Variants in AIG1 observed in about 807,000 individuals in gnomAD.
AIG1 encodes the protein androgen induced 1.
A neutral mutation model predicts 31.4 loss-of-function variants in AIG1; 23 were observed. That is an observed-to-expected ratio of 0.73 (90% confidence interval 0.53 to 1.04). The LOEUF (loss-of-function observed/expected upper bound fraction) is 1.04, where lower values mean the gene tolerates loss of function less well. Among genes scored for constraint, AIG1 ranks in the 50% least tolerant of loss-of-function variants. The pLI, the probability that AIG1 is intolerant of heterozygous loss-of-function variation, is 0.00. For synonymous variants in AIG1, 100 were observed against 110.5 expected (o/e 0.90, Z 0.60); for missense variants, 274 against 295.0 (o/e 0.93, Z 0.52).
intron 3 of AIG1, chr6:143,187,706 A>G (rs1231271623): frequency 6.5e-7 from 1 of 1,535,922 alleles, no homozygotes; most frequent in Non-Finnish European, 8.7e-7. Context: ...TCTCCACAGA[A>G]AGCTTGCTCC....
chr6:143,335,105 G>A (rs545736139), intron 5 of AIG1: 4 of 1,437,386 alleles, frequency 2.8e-6, no homozygotes, highest in Admixed American at 2.7e-5. Context: ...CACAAAGACA[G>A]ATGTTTTGTG....
intron 4 of AIG1, among the ~76,000 whole-genome samples, chr6:143,289,177 G>A (rs2128685844): frequency 6.6e-6 from 1 of 152,208 alleles, no homozygotes; most frequent in Non-Finnish European, 1.5e-5. Context: ...CTCTACAAAT[G>A]CAAAGATCCC....
downstream of AIG1, chr6:143,343,195 C>G (rs1490242556): frequency 1.4e-6 from 1 of 708,256 alleles, no homozygotes; most frequent in Admixed American, 1.8e-5. Flanking sequence ...ATTAACGCCA[C>G]GGATATGGCA....
chr6:143,257,020 A>T (rs1043266473), intron 3 of AIG1, among the ~76,000 whole-genome samples: 8 of 151,556 alleles, frequency 5.3e-5, no homozygotes, highest in African/African-American at 1.9e-4. Context: ...TCCATAAAGC[A>T]TGCAGCTAGA....
At chr6:143,244,256 C>G (rs1417294049) in intron 3 of AIG1, among the ~76,000 whole-genome samples, 1 of 152,094 alleles carries the variant, frequency 6.6e-6, no homozygotes, top group African/African-American at 2.4e-5. Context: ...TGTGGGAGTT[C>G]CCTTATCAAT....
intron 1 of AIG1, among the ~76,000 whole-genome samples, chr6:143,090,887 A>G (rs1322957774): frequency 1.3e-5 from 2 of 151,612 alleles, no homozygotes; most frequent in African/African-American, 4.9e-5. Flanking sequence ...ATTGTTCTGT[A>G]CCGTGCAATG....
At chr6:143,307,134 C>T (rs1363174796) in intron 4 of AIG1, among the ~76,000 whole-genome samples, 1 of 152,136 alleles carries the variant, frequency 6.6e-6, no homozygotes, top group East Asian at 1.9e-4. Context: ...AACTTCTTTG[C>T]CTTTGGTTTG....
intron 4 of AIG1, among the ~76,000 whole-genome samples, chr6:143,317,485 T>C (rs1235666904): frequency 6.6e-6 from 1 of 151,944 alleles, no homozygotes; most frequent in African/African-American, 2.4e-5. Flanking sequence ...TCAGCAAAAT[T>C]GGCATTGAAG....
At chr6:143,286,360 A>G (rs114137356) in intron 4 of AIG1, among the ~76,000 whole-genome samples, 75 of 152,182 alleles carry the variant, frequency 4.9e-4, no homozygotes, top group African/African-American at 1.7e-3. Context: ...CCCTAAGCAA[A>G]CCAGTACTTG....
chr6:143,272,122 A>T (rs751829566), intron 3 of AIG1, among the ~76,000 whole-genome samples: 1 of 152,124 alleles, frequency 6.6e-6, no homozygotes, highest in Admixed American at 6.5e-5. Flanking sequence ...TACTATTTCT[A>T]TTTGATTATA....
intron 3 of AIG1, among the ~76,000 whole-genome samples, chr6:143,207,806 GT>G (rs35333306): frequency 6.6e-6 from 1 of 151,978 alleles, no homozygotes; most frequent in Non-Finnish European, 1.5e-5. Context: ...AAATTGTTGG[GT>G]TTTTTTCACA....
At chr6:143,342,613 T>A, downstream of AIG1, 1 of 1,088,916 alleles carries the variant, frequency 9.2e-7, no homozygotes, top group Admixed American at 1.7e-5. Flanking sequence ...GCAATACGAA[T>A]CACTGAAATC....
At chr6:143,318,279 A>G (rs1359658494) in intron 4 of AIG1, among the ~76,000 whole-genome samples, 1 of 152,210 alleles carries the variant, frequency 6.6e-6, no homozygotes, top group Non-Finnish European at 1.5e-5. Flanking sequence ...TGGTATAAAA[A>G]TAGGCACATA....
At position 143,223,134 on chromosome 6, in the gene AIG1, G is replaced by C. The variant is rs186993448; in HGVS notation, c.399+57951G>C. ...TTCTGAAAAAGGCAGAAGCCAGCCAGCCTCTGTCTAGCAGACCCACTGGTG... is the reference window on the plus strand; with the variant it reads ...TTCTGAAAAAGGCAGAAGCCAGCCACCCTCTGTCTAGCAGACCCACTGGTG... On this transcript the variant is annotated intron_variant, in intron 3 of 5. Transcript: ENST00000357847. 7.9e-5 allele frequency among the ~76,000 whole-genome samples: 12 copies of C among 152,334 alleles called. No individual in the cohort carries two copies. In the East Asian group the frequency reaches 2.3e-3, roughly 29 times the overall value.
intron 2 of AIG1, among the ~76,000 whole-genome samples, chr6:143,161,522 A>C (rs535935544): frequency 2.9e-5 from 3 of 103,754 alleles, no homozygotes; most frequent in Non-Finnish European, 5.2e-5. Context: ...TCCAGTAAAA[A>C]CATATATTAT....
rs9399423 is a variant in AIG1, at chr6:143,137,711, C to T, written c.297+721C>T. ...CTTCCTTCACAAGTCTGTTAATTTT[C>T]CATTGTCTGCACATAAACCATGTTT... On this transcript the variant is annotated intron_variant, in intron 2 of 5. Transcript: ENST00000357847. Among the ~76,000 whole-genome samples the T allele has an allele frequency of 7.0e-4, 107 of 152,278 alleles. No homozygotes were observed. The East Asian group carries it at 0.019, about 27-fold the overall frequency.
chr6:143,129,298 A>G (rs1782997823), intron 1 of AIG1, among the ~76,000 whole-genome samples: 1 of 152,242 alleles, frequency 6.6e-6, no homozygotes, highest in Non-Finnish European at 1.5e-5. Flanking sequence ...CTCAAAAAAA[A>G]TAAAAAAAGA....
rs1375051213 is a variant in AIG1 at position 143,341,032 on chromosome 6, G to A, written c.*1356G>A. 2.0e-5 allele frequency among the ~76,000 whole-genome samples: 3 copies of A among 152,136 alleles called. No individual in the cohort carries two copies. Among genetic ancestry groups the A allele is most frequent in the Admixed American group, 1.3e-4 (2 of 15,272 alleles). ...AATTTAAAATTAGTTACATTTAAAT[G>A]TAATTAAATGCTAAAAATCTCTCTT... On this transcript the variant is annotated 3_prime_UTR_variant, in exon 6 of 6. Transcript: ENST00000357847.
At position 143,326,307 on chromosome 6, in the gene AIG1, C is replaced by G. The variant is rs1271867459; in HGVS notation, c.516-6975C>G. 6.6e-6 allele frequency among the ~76,000 whole-genome samples: 1 copy of G among 152,198 alleles called. No individual in the cohort carries two copies. Among genetic ancestry groups the G allele is most frequent in the Non-Finnish European group, 1.5e-5 (1 of 68,030 alleles). On this transcript the variant is annotated intron_variant, in intron 4 of 5. Transcript: ENST00000357847. This position sits in a 1 kb window ranked among gnomAD's most constrained non-coding sequence, Gnocchi z 4.5. ...TTGATCACAACAAAAGTGTTCTCTT[C>G]TTGAACTTCTGGGAGCGTTCTCTTG...
Sources: gnomAD v4.1 joint callset for allele counts (sites outside exome capture counted in the v4.1 genomes callset) on GRCh38, gnomAD v4.1.1 for gene constraint, Gnocchi (gnomAD v3.1) non-coding constraint, MANE v1.5 for transcripts, NCBI Gene and HGNC (gene_info 2026-07-23, HGNC 2026-07-21) for gene names.